Variants in DCHS2 observed in about 807,000 individuals in gnomAD.
DCHS2 encodes dachsous cadherin-related 2.
A neutral mutation model predicts 182.4 loss-of-function variants in DCHS2; 142 were observed. The observed-to-expected ratio is 0.78, with a 90% CI of 0.68 to 0.89. DCHS2 has a LOEUF of 0.89. Ranked by LOEUF, DCHS2 falls within the 40% of genes least tolerant of loss-of-function variation. DCHS2 has a pLI of 0.00. For missense variants in DCHS2, 4,319 were observed against 4,198.6 expected (o/e 1.03, Z -0.79); for synonymous variants, 1,740 against 1,663.3 (o/e 1.05, Z -1.12).
chr4:154,364,464 G>T (rs1389722903), intron 3 of DCHS2, among the ~76,000 whole-genome samples: 1 of 152,224 alleles, frequency 6.6e-6, no homozygotes, highest in Admixed American at 6.5e-5. Flanking sequence ...TAAGTCCTCA[G>T]TTAAGATGAA....
chr4:154,469,241 A>G (rs1281712467), intron 1 of DCHS2, among the ~76,000 whole-genome samples: 2 of 149,302 alleles, frequency 1.3e-5, no homozygotes, highest in East Asian at 3.9e-4. Context: ...AAAAATTTCT[A>G]TTTTTTTTTT....
chr4:154,235,348 C>A lies in DCHS2; in HGVS notation c.9304G>T (p.Ala3102Ser). The stretch of plus-strand genomic sequence containing the variant: ...ATCCTCTGGATTTCCTTATCTTCTG[C>A]AGTTTCTCCTTCCACAGAACAGTGG... ...SGHCSVEGETAEDKEIQRINE... is the reference protein window; with the variant it reads ...SGHCSVEGETSEDKEIQRINE... The change falls in exon 20 of 20, where the codon GCA (alanine) becomes TCA (serine). Residue 3102 changes from alanine (A) to serine (S), a missense_variant. Transcript: ENST00000357232. 1 of 1,614,036 alleles carries A rather than the reference C, an allele frequency of 6.2e-7. No homozygotes were observed. Among genetic ancestry groups the A allele is most frequent in the Middle Eastern group, 1.7e-4 (1 of 6,060 alleles).
chr4:154,386,933 C>G (rs979386843), intron 1 of DCHS2, among the ~76,000 whole-genome samples: 11 of 152,118 alleles, frequency 7.2e-5, no homozygotes, highest in African/African-American at 2.7e-4. Context: ...ATCCATAATA[C>G]TTTTTCAAAG....
chr4:154,426,557 A>G lies in DCHS2; in HGVS notation c.2053-49113T>C, dbSNP rs546275028. Among the ~76,000 whole-genome samples, 38 of 152,294 alleles carry G rather than the reference A, an allele frequency of 2.5e-4. 1 individual carries two copies. The highest frequency in any genetic ancestry group is 6.8e-3 in the Middle Eastern group (2 of 294). ...GGGAGAAAAATGCCATGTAATCAGT[A>G]CAAATATATAACTAGATAGAATAAG... On this transcript the variant is annotated intron_variant, in intron 1 of 19. Coordinates refer to ENST00000357232, the MANE Select transcript of DCHS2 (RefSeq NM_001358235.2).
rs1444310321 is a variant in DCHS2, at chr4:154,473,895, T to G, written c.2052+15409A>C. 2.6e-5 allele frequency among the ~76,000 whole-genome samples: 4 copies of G among 152,322 alleles called. No individual in the cohort carries two copies. In the East Asian group the frequency reaches 7.7e-4, roughly 29 times the overall value. The stretch of plus-strand genomic sequence containing the variant: ...CCCAAGAGGGGCTATATTCATTTCC[T>G]TAGGCTGCCATAATAAAGTACCACA... On this transcript the variant is annotated intron_variant, in intron 1 of 19. Coordinates refer to ENST00000357232, the MANE Select transcript of DCHS2 (RefSeq NM_001358235.2).
intron 1 of DCHS2, among the ~76,000 whole-genome samples, chr4:154,437,526 T>C (rs1448596861): frequency 6.6e-6 from 1 of 152,216 alleles, no homozygotes; most frequent in Non-Finnish European, 1.5e-5. Flanking sequence ...GTTTATGTTT[T>C]TAATCAAGCA....
Position 154,304,799 on chromosome 4 carries a change from G to T in DCHS2, c.5475C>A (p.His1825Gln). ...ILCTVEDEND[H>Q]APEFIVSSYD... ...AACTGGAAACAATAAACTCTGGTGCGTGATCGTTTTCATCTTCAACAGTGC... is the reference window on the plus strand; with the variant it reads ...AACTGGAAACAATAAACTCTGGTGCTTGATCGTTTTCATCTTCAACAGTGC... Residue 1825 changes from histidine (H) to glutamine (Q), a missense_variant, in exon 12 of 20, where the codon CAC becomes CAA. Physicochemically the swap from His to Gln is conservative, Grantham distance 24 (BLOSUM62 0). Coordinates refer to ENST00000357232, the MANE Select transcript of DCHS2 (RefSeq NM_001358235.2). The T allele has an allele frequency of 6.2e-7, 1 of 1,613,826 alleles. No homozygotes were observed. Among genetic ancestry groups the T allele is most frequent in the Non-Finnish European group, 8.5e-7 (1 of 1,179,910 alleles).
intron 1 of DCHS2, among the ~76,000 whole-genome samples, chr4:154,397,129 A>G (rs1430006368): frequency 6.6e-6 from 1 of 152,224 alleles, no homozygotes; most frequent in Non-Finnish European, 1.5e-5. Flanking sequence ...AGAAAAGGAC[A>G]CCGCACTAAT....
chr4:154,304,632 A>C (rs1352715), intron 12 of DCHS2, 37 bp downstream of exon 12: 483,349 of 1,500,446 alleles, frequency 0.32, 101,115 homozygotes, highest in East Asian at 0.39. Context: ...CTGTCTTAAA[A>C]AAACAAACAA....
intron 16 of DCHS2, among the ~76,000 whole-genome samples, chr4:154,244,543 C>A (rs1481195547): frequency 3.9e-5 from 6 of 152,178 alleles, no homozygotes. Context: ...GAAACTATGT[C>A]TTCAAAGTTG....
rs138001650 is a variant in DCHS2 at position 154,353,922 on chromosome 4, T to C, written c.2476+12288A>G. Among the ~76,000 whole-genome samples, 151 of 152,310 alleles carry C rather than the reference T, an allele frequency of 9.9e-4. 2 individuals carry two copies. The East Asian group carries it at 0.023, about 23-fold the overall frequency. ...TATACTCCAAAGTTTGAAGACCTTTTTTTTATTGTAGTTTTTATTTTTCAG... is the reference window on the plus strand; with the variant it reads ...TATACTCCAAAGTTTGAAGACCTTTCTTTTATTGTAGTTTTTATTTTTCAG... On this transcript the variant is annotated intron_variant, in intron 3 of 19. Transcript: ENST00000357232.
chr4:154,315,562 G>A (rs953069252), intron 10 of DCHS2, among the ~76,000 whole-genome samples, 186 bp downstream of exon 10: 25 of 152,146 alleles, frequency 1.6e-4, no homozygotes, highest in African/African-American at 6.0e-4. Flanking sequence ...CAAATCTTAT[G>A]TGATATATCT....
At chr4:154,262,462 C>A (rs993468370) in intron 14 of DCHS2, among the ~76,000 whole-genome samples, 1 of 152,170 alleles carries the variant, frequency 6.6e-6, no homozygotes, top group East Asian at 1.9e-4. Context: ...AAACTAACAC[C>A]TTCCTTAGAG....
chr4:154,281,079 G>C (rs183529987), intron 13 of DCHS2, among the ~76,000 whole-genome samples: 1,950 of 151,954 alleles, frequency 0.013, 45 homozygotes, highest in African/African-American at 0.045. Context: ...TGCCCACCTC[G>C]ACCTCCCAAA....
intron 1 of DCHS2, among the ~76,000 whole-genome samples, chr4:154,449,135 C>T (rs1233484374): frequency 6.6e-6 from 1 of 151,896 alleles, no homozygotes; most frequent in East Asian, 1.9e-4. Context: ...GCCTTTCTGC[C>T]CCTTCGCACC....
At chr4:154,451,274 A>G (rs1309452927) in intron 1 of DCHS2, among the ~76,000 whole-genome samples, 1 of 152,182 alleles carries the variant, frequency 6.6e-6, no homozygotes, top group Non-Finnish European at 1.5e-5. Flanking sequence ...AAGCCCTGCC[A>G]TTCTCTGCAG....
At chr4:154,315,633 G>A in intron 10 of DCHS2, 115 bp downstream of exon 10, 1 of 1,447,220 alleles carries the variant, frequency 6.9e-7, no homozygotes, top group Non-Finnish European at 9.2e-7. Context: ...TTACAAATTT[G>A]AGATAACTAG....
At chr4:154,367,818 G>A (rs1363302748) in intron 2 of DCHS2, among the ~76,000 whole-genome samples, 1 of 152,134 alleles carries the variant, frequency 6.6e-6, no homozygotes, top group Non-Finnish European at 1.5e-5. Context: ...AGGGAGAACT[G>A]CTGCCATGCA....
Position 154,235,376 on chromosome 4 carries a change from A to G in DCHS2, c.9276T>C (p.Ser3092=). 6.2e-7 allele frequency: 1 copy of G among 1,614,032 alleles called. No individual in the cohort carries two copies. ...IVNLYRHSNS[S]GHCSVEGETA... ...TTTCTCCTTCCACAGAACAGTGGCCACTGGAGTTTGAGTGTCTGTACAGAT... is the reference window on the plus strand; with the variant it reads ...TTTCTCCTTCCACAGAACAGTGGCCGCTGGAGTTTGAGTGTCTGTACAGAT... The change falls in exon 20 of 20, where the codon AGT becomes AGC. Residue 3092 remains serine (S), a synonymous_variant. Coordinates refer to ENST00000357232, the MANE Select transcript of DCHS2 (RefSeq NM_001358235.2).
Sources: allele counts gnomAD v4.1 joint callset (sites outside exome capture counted in the v4.1 genomes callset), GRCh38; gene constraint gnomAD v4.1.1; transcripts MANE v1.5; gene names NCBI Gene and HGNC (gene_info 2026-07-23, HGNC 2026-07-21).